Variants in ATG5 observed in about 807,000 individuals in gnomAD.
ATG5 encodes the protein autophagy related 5, also known as autophagy protein 5.
A neutral mutation model predicts 36.5 loss-of-function variants in ATG5; 14 were observed. That is an observed-to-expected ratio of 0.38 (90% confidence interval 0.25 to 0.60). ATG5 has a LOEUF of 0.60. Among genes scored for constraint, ATG5 ranks in the 20% least tolerant of loss-of-function variants. ATG5 has a pLI of 0.60. For synonymous variants in ATG5, 95 were observed against 101.5 expected (o/e 0.94, Z 0.38); for missense variants, 195 against 326.7 (o/e 0.60, Z 3.11).
At chr6:106,318,721 A>G (rs774190592) in intron 1 of ATG5, among the ~76,000 whole-genome samples, 1 of 152,230 alleles carries the variant, frequency 6.6e-6, no homozygotes, top group Non-Finnish European at 1.5e-5. Context: ...TCTGCAAAAC[A>G]GATTTATGAA....
chr6:106,280,874 G>C (rs1200763692), intron 4 of ATG5, among the ~76,000 whole-genome samples: 1 of 151,990 alleles, frequency 6.6e-6, no homozygotes. Context: ...TTTAACCACT[G>C]TACAATATCA....
intron 6 of ATG5, among the ~76,000 whole-genome samples, chr6:106,224,032 C>G (rs981763513): frequency 5.9e-5 from 9 of 152,218 alleles, no homozygotes; most frequent in Non-Finnish European, 1.0e-4. Context: ...GAAAGAACAT[C>G]TATATGATAT....
intron 6 of ATG5, among the ~76,000 whole-genome samples, chr6:106,209,294 G>A (rs536094483): frequency 3.7e-4 from 57 of 152,168 alleles, no homozygotes; most frequent in Non-Finnish European, 5.6e-4. Context: ...TAAAACAGGT[G>A]AATGCTTATA....
chr6:106,305,485 T>C (rs1030348788), intron 3 of ATG5, among the ~76,000 whole-genome samples: 25 of 152,196 alleles, frequency 1.6e-4, no homozygotes, highest in African/African-American at 5.5e-4. Flanking sequence ...ACAAACTTAA[T>C]TGAATTCAGG....
chr6:106,237,426 T>C (rs1436481908), intron 6 of ATG5, among the ~76,000 whole-genome samples: 5 of 152,210 alleles, frequency 3.3e-5, no homozygotes, highest in Non-Finnish European at 5.9e-5. Context: ...GCACATGCAG[T>C]ATATACTATT....
chr6:106,307,863 C>G (rs1166369096), intron 3 of ATG5, among the ~76,000 whole-genome samples: 4 of 152,070 alleles, frequency 2.6e-5, no homozygotes, highest in African/African-American at 9.7e-5. Context: ...TGCAAAACAT[C>G]AAATTTATTT....
intron 7 of ATG5, 99 bp downstream of exon 7, chr6:106,201,873 A>G: frequency 4.8e-6 from 4 of 840,426 alleles, no homozygotes; most frequent in Non-Finnish European, 7.2e-6. Flanking sequence ...ATATGAAAAT[A>G]TCTTCCTGAA....
At chr6:106,214,629 T>C (rs951610685) in intron 6 of ATG5, among the ~76,000 whole-genome samples, 1 of 152,156 alleles carries the variant, frequency 6.6e-6, no homozygotes, top group African/African-American at 2.4e-5. Flanking sequence ...GTTATACTTA[T>C]TATAATTCTG....
At chr6:106,303,789 G>A (rs537053492) in intron 3 of ATG5, among the ~76,000 whole-genome samples, 6 of 152,126 alleles carry the variant, frequency 3.9e-5, no homozygotes, top group Non-Finnish European at 7.4e-5. Flanking sequence ...ATAGCAACCA[G>A]CTAAGGAAGA....
At chr6:106,246,392 T>TCTCACA (rs1387498156) in intron 6 of ATG5, among the ~76,000 whole-genome samples, 26 of 129,644 alleles carry the variant, frequency 2.0e-4, no homozygotes, top group African/African-American at 4.9e-4. Flanking sequence ...TCTCTCTCTC[T>TCTCACA]CACACACACA....
In ATG5 at chr6:106,316,158, T is replaced by C. The variant is rs769022755; in HGVS notation, c.51A>G (p.Pro17=). The change falls in exon 2 of 8, where the codon CCA becomes CCG. Residue 17 remains proline, a synonymous_variant. Transcript: ENST00000369076. ...VLRDVWFGRI[P]TCFTLYQDEI... ...CATCCTGATATAGCGTGAAACAAGT[T>C]GGAATTCGTCCAAACCACACATCTC... 2.5e-6 allele frequency: 4 copies of C among 1,613,812 alleles called. No homozygotes were observed. Among genetic ancestry groups the C allele is most frequent in the Admixed American group, 1.7e-5 (1 of 60,000 alleles).
intron 4 of ATG5, among the ~76,000 whole-genome samples, chr6:106,282,169 CTTCAA>C (rs1323378705): frequency 2.6e-5 from 4 of 152,304 alleles, no homozygotes; most frequent in African/African-American, 4.8e-5. Flanking sequence ...GGACCAGCTA[CTTCAA>C]TTCATGTTAT....
chr6:106,323,801 T>C (rs1771193172), intron 1 of ATG5, among the ~76,000 whole-genome samples: 1 of 152,190 alleles, frequency 6.6e-6, no homozygotes, highest in Non-Finnish European at 1.5e-5. Context: ...CACTGCTTAC[T>C]CAAAACCCAA....
At chr6:106,322,285 T>C (rs1771112727) in intron 1 of ATG5, among the ~76,000 whole-genome samples, 1 of 152,218 alleles carries the variant, frequency 6.6e-6, no homozygotes, top group Non-Finnish European at 1.5e-5. Context: ...TGCATAATAG[T>C]TTCTTTCACA....
chr6:106,187,412 T>C (rs956240582), intron 7 of ATG5, among the ~76,000 whole-genome samples: 1 of 152,160 alleles, frequency 6.6e-6, no homozygotes, highest in African/African-American at 2.4e-5. Context: ...ATGATTTTGG[T>C]GTGTTGTACT....
intron 2 of ATG5, among the ~76,000 whole-genome samples, chr6:106,314,887 T>C (rs949356459): frequency 6.6e-6 from 1 of 152,202 alleles, no homozygotes; most frequent in African/African-American, 2.4e-5. Context: ...TTAAGATTAC[T>C]CACGTGTATA....
chr6:106,230,459 C>G (rs1777633627), intron 6 of ATG5, among the ~76,000 whole-genome samples: 2 of 152,126 alleles, frequency 1.3e-5, no homozygotes, highest in Admixed American at 1.3e-4. Flanking sequence ...AGCCCGGACC[C>G]CTTTCTTTGT....
chr6:106,250,649 TATA>T (rs888287802), intron 5 of ATG5, among the ~76,000 whole-genome samples: 2 of 152,228 alleles, frequency 1.3e-5, no homozygotes, highest in African/African-American at 4.8e-5. Context: ...GACAGCTAAA[TATA>T]ATGATTCTTC....
Position 106,308,357 on chromosome 6 carries a change from C to T in ATG5, c.236+7G>A. 6.5e-7 allele frequency: 1 copy of T among 1,547,814 alleles called. No individual in the cohort carries two copies. Among genetic ancestry groups the T allele is most frequent in the East Asian group, 2.4e-5 (1 of 41,962 alleles). Reference sequence around the variant, plus strand: ...TAATGCTTAATAATGCAGAAAAATTCACTCACCATTTCAGTGGTGTGCCTT... The same window carrying T: ...TAATGCTTAATAATGCAGAAAAATTTACTCACCATTTCAGTGGTGTGCCTT... On this transcript the variant is annotated splice_region_variant and intron_variant, in intron 3 of 7. Coordinates refer to ENST00000369076, the MANE Select transcript of ATG5 (RefSeq NM_004849.4).
Sources: gnomAD v4.1 joint callset for allele counts (sites outside exome capture counted in the v4.1 genomes callset) on GRCh38, gnomAD v4.1.1 for gene constraint, MANE v1.5 for transcripts, NCBI Gene and HGNC (gene_info 2026-07-23, HGNC 2026-07-21) for gene names.